The following EPHA5 variants were observed in gnomAD, a reference collection of about 807,000 sequenced individuals.
The protein encoded by EPHA5 is ephrin type-A receptor 5.
A neutral mutation model predicts 105.0 loss-of-function variants in EPHA5; 60 were observed. The ratio of observed to expected loss-of-function variants is 0.57; its 90% confidence interval spans 0.46 to 0.71. EPHA5 has a LOEUF of 0.71. Among genes scored for constraint, EPHA5 ranks in the 30% least tolerant of loss-of-function variants. EPHA5 has a pLI of 0.00. For missense variants in EPHA5, 1,218 were observed against 1,274.7 expected (o/e 0.96, Z 0.68); for synonymous variants, 513 against 449.1 (o/e 1.14, Z -1.80).
chr4:65,552,486 C>A (rs536185927), intron 3 of EPHA5, among the ~76,000 whole-genome samples: 2 of 152,106 alleles, frequency 1.3e-5, no homozygotes, highest in Non-Finnish European at 1.5e-5. Flanking sequence ...GATTTTGCTA[C>A]GCTTGACTGA....
rs78206027 is a variant in EPHA5, at chr4:65,639,156, T to C, written c.246+4207A>G. 7.3e-3 allele frequency among the ~76,000 whole-genome samples: 1,110 copies of C among 152,310 alleles called. 17 individuals carry two copies. Among genetic ancestry groups the C allele is most frequent in the African/African-American group, 0.024 (1,012 of 41,564 alleles). On this transcript the variant is annotated intron_variant, in intron 2 of 16. Coordinates refer to ENST00000613740, the MANE Select transcript of EPHA5 (RefSeq NM_001281766.3). ...CAAATAATCAGTTTATGTTTCCCTA[T>C]GGAAATGAAGTAGACAGAATAAAAG...
chr4:65,534,695 CA>C (rs1184583369), intron 3 of EPHA5, among the ~76,000 whole-genome samples: 1 of 152,094 alleles, frequency 6.6e-6, no homozygotes, highest in Non-Finnish European at 1.5e-5. Flanking sequence ...ATAAATTACA[CA>C]AGTTGACTCA....
At chr4:65,447,913 T>C (rs1726707891) in intron 5 of EPHA5, among the ~76,000 whole-genome samples, 1 of 151,748 alleles carries the variant, frequency 6.6e-6, no homozygotes, top group African/African-American at 2.4e-5. Context: ...AACAAAAGTG[T>C]CAAAAGAATA....
At chr4:65,579,947 T>A (rs545065351) in intron 3 of EPHA5, among the ~76,000 whole-genome samples, 1 of 152,110 alleles carries the variant, frequency 6.6e-6, no homozygotes, top group Admixed American at 6.6e-5. Context: ...AGATTGCTTC[T>A]ATCATGCGAA....
chr4:65,377,410 C>A (rs773382915), intron 8 of EPHA5, among the ~76,000 whole-genome samples: 12 of 151,902 alleles, frequency 7.9e-5, no homozygotes, highest in Non-Finnish European at 1.6e-4. Flanking sequence ...GAAATTCCCT[C>A]AAAATTTACA....
At chr4:65,414,240 A>G in intron 7 of EPHA5, 44 bp downstream of exon 7, 1 of 1,579,838 alleles carries the variant, frequency 6.3e-7, no homozygotes, top group Non-Finnish European at 8.7e-7. Context: ...CTTTTCTGGT[A>G]ACCATTACTG....
intron 3 of EPHA5, among the ~76,000 whole-genome samples, chr4:65,517,789 A>G (rs1291785436): frequency 1.3e-5 from 2 of 151,952 alleles, no homozygotes; most frequent in African/African-American, 2.4e-5. Flanking sequence ...ATTTTGTATT[A>G]GCAATGATAC....
intron 14 of EPHA5, among the ~76,000 whole-genome samples, chr4:65,336,965 C>T (rs1721244525): frequency 6.6e-6 from 1 of 151,994 alleles, no homozygotes; most frequent in Non-Finnish European, 1.5e-5. Context: ...TCTTATTTTG[C>T]ATATTTCTTT....
intron 2 of EPHA5, among the ~76,000 whole-genome samples, chr4:65,628,839 T>C (rs1353275556): frequency 6.6e-6 from 1 of 152,190 alleles, no homozygotes; most frequent in Non-Finnish European, 1.5e-5. Context: ...CATGTTATAA[T>C]CAACCAAAGT....
intron 5 of EPHA5, among the ~76,000 whole-genome samples, chr4:65,457,539 A>C (rs1255212006): frequency 1.3e-5 from 2 of 152,122 alleles, no homozygotes; most frequent in Non-Finnish European, 2.9e-5. Context: ...AGTATTTGCT[A>C]AGAATTGCTT....
chr4:65,574,597 G>T (rs1740612395), intron 3 of EPHA5, among the ~76,000 whole-genome samples: 1 of 91,402 alleles, frequency 1.1e-5, no homozygotes, highest in Non-Finnish European at 2.5e-5. Context: ...TCTATATATT[G>T]CTGTATATAT....
chr4:65,449,600 G>C (rs975062748), intron 5 of EPHA5, among the ~76,000 whole-genome samples: 2 of 152,144 alleles, frequency 1.3e-5, no homozygotes, highest in Admixed American at 6.6e-5. Flanking sequence ...TGATATCTAA[G>C]TATTGTTATG....
intron 3 of EPHA5, chr4:65,574,022 A>G (rs1289165412): frequency 1.3e-5 from 21 of 1,599,770 alleles, no homozygotes; most frequent in African/African-American, 2.7e-5. Context: ...TTCCTCTATG[A>G]AGAACACACC....
chr4:65,398,732 G>A (rs1400007817), intron 8 of EPHA5, among the ~76,000 whole-genome samples: 1 of 152,068 alleles, frequency 6.6e-6, no homozygotes, highest in Non-Finnish European at 1.5e-5. Context: ...TCTCCACTAA[G>A]GGCTTCAGAT....
At chr4:65,545,790 C>A (rs970861075) in intron 3 of EPHA5, among the ~76,000 whole-genome samples, 1 of 151,858 alleles carries the variant, frequency 6.6e-6, no homozygotes, top group Admixed American at 6.6e-5. Context: ...AATGATCCAA[C>A]TGAAAGAACA....
intron 3 of EPHA5, among the ~76,000 whole-genome samples, chr4:65,542,350 G>C (rs1231046770): frequency 1.3e-5 from 2 of 151,670 alleles, no homozygotes; most frequent in Non-Finnish European, 3.0e-5. Flanking sequence ...GACTAAAAGA[G>C]AGAAGAATCA....
chr4:65,322,652 G>A lies in EPHA5; in HGVS notation c.*1462C>T, dbSNP rs932616065. On this transcript the variant is annotated 3_prime_UTR_variant, in exon 17 of 17. Coordinates refer to ENST00000613740, the MANE Select transcript of EPHA5 (RefSeq NM_001281766.3). ...TATATAGAGCATACATAGAAGATAT[G>A]TTATATTCCTTAATAAGCCTAATTA... The A allele has an allele frequency of 1.3e-5, 3 of 225,414 alleles. No individual in the cohort carries two copies. Among genetic ancestry groups the A allele is most frequent in the African/African-American group, 6.7e-5 (3 of 44,978 alleles). The allele number at this position is 225,414 out of a possible 1,614,324, so 14.0% of individuals were successfully genotyped here.
At chr4:65,435,023 C>G (rs1247371062) in intron 5 of EPHA5, among the ~76,000 whole-genome samples, 1 of 152,058 alleles carries the variant, frequency 6.6e-6, no homozygotes, top group Non-Finnish European at 1.5e-5. Context: ...ATTGCCCTCT[C>G]TATGTGCAAA....
Position 65,321,387 on chromosome 4 carries a change from T to C in EPHA5, c.*2727A>G. 1 of 230,442 alleles carries C rather than the reference T, an allele frequency of 4.3e-6. No individual in the cohort carries two copies. Among genetic ancestry groups the C allele is most frequent in the Non-Finnish European group, 8.6e-6 (1 of 116,232 alleles). The allele number at this position is 230,442 out of a possible 1,614,324, so 14.3% of individuals were successfully genotyped here. On this transcript the variant is annotated 3_prime_UTR_variant, in exon 17 of 17. Coordinates refer to ENST00000613740, the MANE Select transcript of EPHA5 (RefSeq NM_001281766.3). ...ACTACATTTTACTAGAGTTGGCTCC[T>C]CTCCTTGTTCCATTTCTCACACTTG...
Sources: allele counts gnomAD v4.1 joint callset (sites outside exome capture counted in the v4.1 genomes callset), GRCh38; gene constraint gnomAD v4.1.1; transcripts MANE v1.5; gene names NCBI Gene and HGNC (gene_info 2026-07-23, HGNC 2026-07-21).